Variants in PRKN observed in about 807,000 individuals in gnomAD.
The protein encoded by PRKN is E3 ubiquitin-protein ligase parkin.
A neutral mutation model predicts 59.5 loss-of-function variants in PRKN; 56 were observed. The observed-to-expected ratio is 0.94, with a 90% CI of 0.76 to 1.18. The LOEUF is 1.18. Ranked by LOEUF, PRKN falls within the 50% of genes most tolerant of loss-of-function variation. The pLI is 0.00. For synonymous variants in PRKN, 250 were observed against 222.1 expected (o/e 1.13, Z -1.12); for missense variants, 657 against 596.4 (o/e 1.10, Z -1.06).
At chr6:162,166,151 T>G (rs1430412276) in intron 4 of PRKN, among the ~76,000 whole-genome samples, 1 of 149,858 alleles carries the variant, frequency 6.7e-6, no homozygotes, top group African/African-American at 2.5e-5. Flanking sequence ...TTCAAGAGAG[T>G]CAAAACCTGG....
chr6:161,531,455 G>A (rs1779210010), intron 9 of PRKN, among the ~76,000 whole-genome samples: 1 of 152,126 alleles, frequency 6.6e-6, no homozygotes, highest in African/African-American at 2.4e-5. Flanking sequence ...CATTGCTGAG[G>A]AAACTGATGC....
At chr6:161,902,447 CA>C (rs1311292328) in intron 6 of PRKN, among the ~76,000 whole-genome samples, 1 of 152,040 alleles carries the variant, frequency 6.6e-6, no homozygotes, top group African/African-American at 2.4e-5. Context: ...TTTGCTTATT[CA>C]CTCAAAATAA....
At chr6:162,135,929 T>C (rs1006733051) in intron 4 of PRKN, among the ~76,000 whole-genome samples, 1 of 151,952 alleles carries the variant, frequency 6.6e-6, no homozygotes, top group Non-Finnish European at 1.5e-5. Flanking sequence ...GCGCTCAAAA[T>C]ACAGTCTTTA....
intron 2 of PRKN, among the ~76,000 whole-genome samples, chr6:162,300,065 G>T (rs1781873185): frequency 6.6e-6 from 1 of 151,822 alleles, no homozygotes; most frequent in Non-Finnish European, 1.5e-5. Context: ...CTGAACACGT[G>T]TAGTAGCATT....
rs1789859271 is a variant in PRKN at position 161,454,007 on chromosome 6, T to C, written c.1084-67130A>G. 6.6e-6 allele frequency among the ~76,000 whole-genome samples: 1 copy of C among 152,046 alleles called. No individual in the cohort carries two copies. Among genetic ancestry groups the C allele is most frequent in the Admixed American group, 6.6e-5 (1 of 15,260 alleles). ...TACTACAATATATAACAGAAGTGTT[T>C]TCTTGGTGTCTGCAATGCAAATTCT... On this transcript the variant is annotated intron_variant, in intron 9 of 11. Coordinates refer to ENST00000366898, the MANE Select transcript of PRKN (RefSeq NM_004562.3). This position sits in a 1 kb window ranked among gnomAD's most constrained non-coding sequence, Gnocchi z 4.6.
chr6:162,651,668 T>A (rs879862947), intron 1 of PRKN, among the ~76,000 whole-genome samples: 1 of 152,174 alleles, frequency 6.6e-6, no homozygotes, highest in Non-Finnish European at 1.5e-5. Context: ...ATCCTCAATA[T>A]ATGCCCATGG....
At chr6:162,016,225 T>G (rs1358343603) in intron 5 of PRKN, among the ~76,000 whole-genome samples, 1 of 152,180 alleles carries the variant, frequency 6.6e-6, no homozygotes, top group African/African-American at 2.4e-5. Context: ...TAAGCCACAT[T>G]AATTATACAT....
chr6:162,447,265 ATACTAAATAAAGTAGCCAAT>A (rs1248323874), intron 1 of PRKN, among the ~76,000 whole-genome samples: 8 of 152,128 alleles, frequency 5.3e-5, no homozygotes, highest in Admixed American at 1.3e-4. Flanking sequence ...ATGTGGGTAA[ATACTAAATAAAGTAGCCAAT>A]TTTTCTGGAT....
At chr6:161,892,657 T>G (rs537839417) in intron 6 of PRKN, among the ~76,000 whole-genome samples, 37 of 152,294 alleles carry the variant, frequency 2.4e-4, no homozygotes, top group African/African-American at 8.4e-4. Context: ...GAGGATCTCC[T>G]GAGCGCATGA....
In PRKN at chr6:162,177,464, C is replaced by G. The variant is rs573259541; in HGVS notation, c.534+23667G>C. ...AATGAGAGTGCATTGCATTATTTGT[C>G]ACATAAAATTTAATTTGAAAGCTAT... On this transcript the variant is annotated intron_variant, in intron 4 of 11. Transcript: ENST00000366898. 5.3e-5 allele frequency among the ~76,000 whole-genome samples: 8 copies of G among 152,122 alleles called. No homozygotes were observed. In the South Asian group the frequency reaches 1.7e-3, roughly 32 times the overall value.
chr6:162,033,821 T>G (rs1332046364), intron 5 of PRKN, among the ~76,000 whole-genome samples: 3 of 152,218 alleles, frequency 2.0e-5, no homozygotes, highest in Non-Finnish European at 1.5e-5. Context: ...CTTCCATCTT[T>G]TCTATCTTGT....
intron 7 of PRKN, among the ~76,000 whole-genome samples, chr6:161,715,101 CA>C (rs1175634766): frequency 6.6e-6 from 1 of 152,234 alleles, no homozygotes; most frequent in African/African-American, 2.4e-5. Context: ...CACCTCCGCT[CA>C]GTCCACATTG....
chr6:162,050,263 G>A (rs1336485440), intron 5 of PRKN, among the ~76,000 whole-genome samples: 2 of 151,952 alleles, frequency 1.3e-5, no homozygotes, highest in African/African-American at 2.4e-5. Context: ...TTTTACTTTC[G>A]ATGTTTTTCT....
In PRKN at chr6:161,990,981, A is replaced by G. The variant is rs1781624146; in HGVS notation, c.619-17564T>C. Among the ~76,000 whole-genome samples the G allele has an allele frequency of 4.6e-5, 7 of 152,318 alleles. No individual in the cohort carries two copies. The South Asian group carries it at 1.5e-3, about 32-fold the overall frequency. ...TCAGACTGTTAAAAGTTAAAGACAAACAGAATTCTAAAAACAGTAAGAGAA... is the reference window on the plus strand; with the variant it reads ...TCAGACTGTTAAAAGTTAAAGACAAGCAGAATTCTAAAAACAGTAAGAGAA... On this transcript the variant is annotated intron_variant, in intron 5 of 11. Transcript: ENST00000366898.
intron 1 of PRKN, among the ~76,000 whole-genome samples, chr6:162,570,259 T>C (rs1954811): frequency 0.54 from 81,518 of 152,044 alleles, 22,189 homozygotes; most frequent in East Asian, 0.71. Flanking sequence ...AATGAGCTAT[T>C]ATCTCACCCC....
rs1781426055 is a variant in PRKN, at chr6:161,986,094, G to A, written c.619-12677C>T. Among the ~76,000 whole-genome samples the A allele has an allele frequency of 2.6e-5, 4 of 152,164 alleles. No homozygotes were observed. The South Asian group carries it at 8.3e-4, about 31-fold the overall frequency. On this transcript the variant is annotated intron_variant, in intron 5 of 11. Coordinates refer to ENST00000366898, the MANE Select transcript of PRKN (RefSeq NM_004562.3). ...ACCATTGCCATGGCAACATCCAGGA[G>A]TTACCAGCCCTTTCCATGGCAATGA...
chr6:162,027,054 G>A (rs1783463437), intron 5 of PRKN, among the ~76,000 whole-genome samples: 1 of 152,070 alleles, frequency 6.6e-6, no homozygotes, highest in Admixed American at 6.6e-5. Context: ...GTGGTCACGT[G>A]GTATGCTGCG....
intron 1 of PRKN, among the ~76,000 whole-genome samples, chr6:162,668,185 C>T (rs1779176457): frequency 6.6e-6 from 1 of 152,162 alleles, no homozygotes; most frequent in African/African-American, 2.4e-5. Context: ...CAGAGTATTT[C>T]ATCAAGATTT....
chr6:161,840,805 A>G (rs1192950179), intron 6 of PRKN, among the ~76,000 whole-genome samples: 2 of 152,158 alleles, frequency 1.3e-5, no homozygotes, highest in Non-Finnish European at 2.9e-5. Context: ...TTTTGGCTAC[A>G]TGGTATTCCA....
Sources: allele counts gnomAD v4.1 joint callset (sites outside exome capture counted in the v4.1 genomes callset), GRCh38; gene constraint gnomAD v4.1.1; non-coding constraint Gnocchi (gnomAD v3.1); transcripts MANE v1.5; gene names NCBI Gene and HGNC (gene_info 2026-07-23, HGNC 2026-07-21).